IL20RB: variants seen among roughly 807,000 people sequenced by gnomAD.
IL20RB encodes the protein interleukin-20 receptor subunit beta.
A neutral mutation model predicts 33.3 loss-of-function variants in IL20RB; 21 were observed. The ratio of observed to expected loss-of-function variants is 0.63; its 90% CI spans 0.45 to 0.91. IL20RB has a LOEUF of 0.91. Among genes scored for constraint, IL20RB ranks in the 40% least tolerant of loss-of-function variants. The pLI, the probability that IL20RB is intolerant of heterozygous loss-of-function variation, is 0.00. For synonymous variants in IL20RB, 147 were observed against 146.8 expected (o/e 1.00, Z -0.01); for missense variants, 345 against 384.8 (o/e 0.90, Z 0.86).
At chr3:136,992,573 A>C (rs1466750304) in intron 5 of IL20RB, among the ~76,000 whole-genome samples, 1 of 152,222 alleles carries the variant, frequency 6.6e-6, no homozygotes, top group Non-Finnish European at 1.5e-5. Context: ...GAAAACCTAC[A>C]ATGTTTAAAA....
chr3:136,973,274 G>T (rs1329247083), intron 1 of IL20RB, among the ~76,000 whole-genome samples: 2 of 150,482 alleles, frequency 1.3e-5, no homozygotes, highest in African/African-American at 4.9e-5. Context: ...AAGGCCAGGA[G>T]ATAGAGACCA....
chr3:136,970,007 A>T (rs1365914221), intron 1 of IL20RB, among the ~76,000 whole-genome samples: 7 of 151,438 alleles, frequency 4.6e-5, no homozygotes, highest in Admixed American at 2.0e-4. Flanking sequence ...TGAGGTTTAG[A>T]TTGAGGTTTT....
rs775631214 is a variant in IL20RB, at chr3:136,958,125, C to T, written c.12C>T (p.Phe4=). Residue 4 remains phenylalanine, a synonymous_variant, in exon 1 of 7, where the codon TTC becomes TTT. Coordinates refer to ENST00000329582, the MANE Select transcript of IL20RB (RefSeq NM_144717.4). Reference sequence around the variant, plus strand: ...ACTGAGTCTACCAAATGCAGACTTTCACAATGGTTCTAGAAGAAATCTGGA... The same window carrying T: ...ACTGAGTCTACCAAATGCAGACTTTTACAATGGTTCTAGAAGAAATCTGGA... MQT[F]TMVLEEIWTS... 6.2e-7 allele frequency: 1 copy of T among 1,605,150 alleles called. No individual in the cohort carries two copies. The highest frequency in any genetic ancestry group is 8.5e-7 in the Non-Finnish European group (1 of 1,172,094).
At chr3:136,995,614 C>A in intron 6 of IL20RB, 58 bp downstream of exon 6, 1 of 1,543,490 alleles carries the variant, frequency 6.5e-7, no homozygotes, top group Non-Finnish European at 8.9e-7. Flanking sequence ...TAGTTTGGGC[C>A]TTAGCTGGGC....
intron 1 of IL20RB, among the ~76,000 whole-genome samples, chr3:136,978,450 C>T (rs142078251): frequency 4.9e-4 from 74 of 152,202 alleles, no homozygotes; most frequent in African/African-American, 1.7e-3. Flanking sequence ...ATGGTGTGAG[C>T]CACCGCACCT....
At chr3:136,995,124 C>T (rs1004671000) in intron 5 of IL20RB, among the ~76,000 whole-genome samples, 1 of 152,226 alleles carries the variant, frequency 6.6e-6, no homozygotes, top group African/African-American at 2.4e-5. Flanking sequence ...AAGGTACGTG[C>T]TAACACAGCA....
chr3:136,961,526 C>T lies in IL20RB; in HGVS notation c.88+3325C>T, dbSNP rs1301696028. Among the ~76,000 whole-genome samples the T allele has an allele frequency of 2.2e-4, 34 of 151,246 alleles. No individual in the cohort carries two copies. In the Admixed American group the frequency reaches 2.3e-3, roughly 10 times the overall value. On this transcript the variant is annotated intron_variant, in intron 1 of 6. Transcript: ENST00000329582. The stretch of plus-strand genomic sequence containing the variant: ...GGCTCCTTAGAGAAGTGATTGATTC[C>T]AGGGCTGGGCAGGGAAAAAACAAGA...
At chr3:136,974,965 A>T (rs1050800569) in intron 1 of IL20RB, among the ~76,000 whole-genome samples, 13 of 152,276 alleles carry the variant, frequency 8.5e-5, no homozygotes, top group African/African-American at 3.1e-4. Context: ...TGGTTCTTTT[A>T]AAAAATATCT....
intron 1 of IL20RB, among the ~76,000 whole-genome samples, chr3:136,961,470 T>C (rs1941214719): frequency 1.3e-5 from 2 of 151,572 alleles, no homozygotes; most frequent in African/African-American, 4.9e-5. Flanking sequence ...GCTGTCTGGA[T>C]GTTGGGACTT....
chr3:137,005,385 A>G (rs1285860969), intron 6 of IL20RB, among the ~76,000 whole-genome samples: 1 of 151,994 alleles, frequency 6.6e-6, no homozygotes, highest in Non-Finnish European at 1.5e-5. Flanking sequence ...TCCCATTATT[A>G]TTGTGTGGGA....
At chr3:136,975,345 T>C (rs918865816) in intron 1 of IL20RB, among the ~76,000 whole-genome samples, 4 of 152,148 alleles carry the variant, frequency 2.6e-5, no homozygotes, top group Non-Finnish European at 5.9e-5. Flanking sequence ...TTTTTATTTT[T>C]ATTTATTTTT....
Position 136,967,166 on chromosome 3 carries a change from A to G in IL20RB, c.88+8965A>G, listed in dbSNP as rs573984195. ...TGTGGTGTGGTGCTGAAAAAAATGTATATTCTGTTGATTTGGGGTGGAGAG... is the reference window on the plus strand; with the variant it reads ...TGTGGTGTGGTGCTGAAAAAAATGTGTATTCTGTTGATTTGGGGTGGAGAG... On this transcript the variant is annotated intron_variant, in intron 1 of 6. Coordinates refer to ENST00000329582, the MANE Select transcript of IL20RB (RefSeq NM_144717.4). Among the ~76,000 whole-genome samples the G allele has an allele frequency of 1.5e-4, 22 of 149,900 alleles. No individual in the cohort carries two copies. The South Asian group carries it at 4.5e-3, about 31-fold the overall frequency.
intron 6 of IL20RB, among the ~76,000 whole-genome samples, chr3:136,999,799 C>T (rs1025255637): frequency 2.6e-5 from 4 of 152,028 alleles, no homozygotes; most frequent in Non-Finnish European, 5.9e-5. Context: ...ATTTAAATTT[C>T]AGATATTGTG....
intron 6 of IL20RB, among the ~76,000 whole-genome samples, chr3:137,000,837 C>T (rs942657087): frequency 6.6e-5 from 10 of 152,182 alleles, no homozygotes; most frequent in Non-Finnish European, 1.5e-4. Flanking sequence ...CATGCTTACT[C>T]TTACAGGCAA....
chr3:137,007,907 C>A (rs1057468493), intron 6 of IL20RB, among the ~76,000 whole-genome samples: 5 of 152,194 alleles, frequency 3.3e-5, no homozygotes, highest in African/African-American at 1.2e-4. Flanking sequence ...TGTTTCTATT[C>A]AGCCATCTTG....
At chr3:136,981,166 G>A (rs954211581) in intron 2 of IL20RB, among the ~76,000 whole-genome samples, 3 of 152,050 alleles carry the variant, frequency 2.0e-5, no homozygotes, top group Non-Finnish European at 2.9e-5. Flanking sequence ...AAGGTTTCTG[G>A]ATTTTGAGAG....
chr3:137,010,020 T>G, intron 6 of IL20RB, 93 bp from the exon 7 acceptor site: 2 of 697,282 alleles, frequency 2.9e-6, no homozygotes, highest in Non-Finnish European at 5.0e-6. Context: ...TGCTTGGAAA[T>G]TAATTAATCA....
intron 3 of IL20RB, among the ~76,000 whole-genome samples, chr3:136,986,275 ATGT>A (rs1419235024): frequency 1.3e-5 from 2 of 151,972 alleles, no homozygotes; most frequent in East Asian, 3.8e-4. Flanking sequence ...AACAGGAACA[ATGT>A]TTACCTTCTA....
At chr3:136,991,621 T>G (rs1942031297) in intron 4 of IL20RB, among the ~76,000 whole-genome samples, 1 of 152,204 alleles carries the variant, frequency 6.6e-6, no homozygotes, top group African/African-American at 2.4e-5. Flanking sequence ...TTATCTTTTA[T>G]TTTTTGAGAC....
Sources: allele counts gnomAD v4.1 joint callset (sites outside exome capture counted in the v4.1 genomes callset), GRCh38; gene constraint gnomAD v4.1.1; transcripts MANE v1.5; gene names NCBI Gene and HGNC (gene_info 2026-07-23, HGNC 2026-07-21).